RAI14: variants seen among roughly 807,000 people sequenced by gnomAD.
The protein encoded by RAI14 is ankycorbin.
RAI14 carries 45 observed loss-of-function variants against 115.4 expected under a neutral mutation model. The observed-to-expected ratio is 0.39, with a 90% CI of 0.31 to 0.50. The LOEUF (loss-of-function observed/expected upper bound fraction) is 0.50. Ranked by LOEUF, RAI14 falls within the 20% of genes least tolerant of loss-of-function variation. RAI14 has a pLI of 0.85. For synonymous variants in RAI14, 371 were observed against 415.4 expected (o/e 0.89, Z 1.30); for missense variants, 939 against 1,131.2 (o/e 0.83, Z 2.44).
At chr5:34,781,590 A>G (rs1375575344) in intron 3 of RAI14, among the ~76,000 whole-genome samples, 1 of 152,228 alleles carries the variant, frequency 6.6e-6, no homozygotes, top group Admixed American at 6.5e-5. Context: ...TGCAGAAGAT[A>G]ATAAGGCTTG....
intron 1 of RAI14, among the ~76,000 whole-genome samples, chr5:34,663,611 C>T (rs365737): frequency 0.49 from 74,180 of 152,066 alleles, 18,820 homozygotes; most frequent in South Asian, 0.68. Context: ...CTGAAGGAAG[C>T]ATGCCTTGTT....
chr5:34,670,689 A>T (rs958901224), intron 1 of RAI14, among the ~76,000 whole-genome samples: 8 of 152,084 alleles, frequency 5.3e-5, no homozygotes, highest in African/African-American at 1.9e-4. Flanking sequence ...TCAATTTGCA[A>T]CTGTTTCTCT....
chr5:34,745,488 C>A (rs1746042323), intron 2 of RAI14, among the ~76,000 whole-genome samples: 1 of 152,202 alleles, frequency 6.6e-6, no homozygotes, highest in Non-Finnish European at 1.5e-5. Flanking sequence ...CAACACCTTG[C>A]CTCTGATCTA....
chr5:34,768,587 C>T (rs564786558), intron 3 of RAI14, among the ~76,000 whole-genome samples: 1 of 152,264 alleles, frequency 6.6e-6, no homozygotes, highest in African/African-American at 2.4e-5. Context: ...GTGAATACAA[C>T]ATAGAAATCA....
At chr5:34,658,266 C>T (rs1420065925) in intron 1 of RAI14, among the ~76,000 whole-genome samples, 1 of 152,134 alleles carries the variant, frequency 6.6e-6, no homozygotes, top group South Asian at 2.1e-4. Flanking sequence ...GATGTAGTGT[C>T]CCGCCCACCA....
At chr5:34,777,774 G>A (rs336477) in intron 3 of RAI14, among the ~76,000 whole-genome samples, 92,347 of 151,858 alleles carry the variant, frequency 0.61, 29,982 homozygotes, top group African/African-American at 0.85. Context: ...GCGAGACTCC[G>A]TCTCAAAAAA....
chr5:34,756,742 C>G (rs558781474), intron 2 of RAI14, among the ~76,000 whole-genome samples: 69 of 152,270 alleles, frequency 4.5e-4, no homozygotes, highest in African/African-American at 1.6e-3. Flanking sequence ...ATATAGAAAT[C>G]GTCTCTTTCC....
chr5:34,761,098 A>G (rs549799730), intron 3 of RAI14, among the ~76,000 whole-genome samples: 2 of 152,240 alleles, frequency 1.3e-5, no homozygotes, highest in South Asian at 4.1e-4. Context: ...TGGTAGACAT[A>G]TACATAGCAG....
At chr5:34,783,269 A>G (rs1580245538) in intron 3 of RAI14, among the ~76,000 whole-genome samples, 1 of 152,176 alleles carries the variant, frequency 6.6e-6, no homozygotes, top group African/African-American at 2.4e-5. Flanking sequence ...TCTGTCCTCA[A>G]GTAGGTGGCT....
chr5:34,800,878 G>T (rs148015347), intron 4 of RAI14, among the ~76,000 whole-genome samples: 1 of 152,308 alleles, frequency 6.6e-6, no homozygotes, highest in African/African-American at 2.4e-5. Flanking sequence ...TTAATGCATT[G>T]CGTACACGAC....
At chr5:34,730,301 A>G (rs1339106732) in intron 2 of RAI14, among the ~76,000 whole-genome samples, 3 of 152,210 alleles carry the variant, frequency 2.0e-5, no homozygotes, top group Non-Finnish European at 4.4e-5. Context: ...ACTTTCCTAA[A>G]AATAACCTAC....
At chr5:34,757,637 G>C in intron 3 of RAI14, 39 bp downstream of exon 3, 1 of 1,562,222 alleles carries the variant, frequency 6.4e-7, no homozygotes, top group Non-Finnish European at 8.7e-7. Flanking sequence ...GCTGGTTCTG[G>C]GTTTTTGGGG....
At chr5:34,669,552 G>A (rs919430707) in intron 1 of RAI14, among the ~76,000 whole-genome samples, 7 of 152,192 alleles carry the variant, frequency 4.6e-5, no homozygotes, top group South Asian at 2.1e-4. Flanking sequence ...CTACAGGCTC[G>A]GGTGGCAGGC....
At chr5:34,745,030 A>G (rs1043941968) in intron 2 of RAI14, among the ~76,000 whole-genome samples, 2 of 152,148 alleles carry the variant, frequency 1.3e-5, no homozygotes, top group African/African-American at 4.8e-5. Context: ...TTACAAGGAC[A>G]CCAATCATTG....
At chr5:34,685,128 TC>T (rs1312531822) in intron 1 of RAI14, 2 of 151,930 alleles carry the variant, frequency 1.3e-5, no homozygotes, top group Non-Finnish European at 2.9e-5. Context: ...ATGCCTGTAA[TC>T]CCAGCTTTTA....
chr5:34,663,439 C>G (rs934533474), intron 1 of RAI14, among the ~76,000 whole-genome samples: 1 of 152,108 alleles, frequency 6.6e-6, no homozygotes, highest in Non-Finnish European at 1.5e-5. Flanking sequence ...TCACCTCAAC[C>G]CATGAGATCG....
intron 1 of RAI14, among the ~76,000 whole-genome samples, chr5:34,663,477 A>T (rs1347305120): frequency 6.6e-6 from 1 of 152,170 alleles, no homozygotes; most frequent in Non-Finnish European, 1.5e-5. Flanking sequence ...AAATCTTACC[A>T]CTACACTCCA....
intron 1 of RAI14, among the ~76,000 whole-genome samples, chr5:34,664,592 G>A (rs760648710): frequency 6.6e-6 from 1 of 151,838 alleles, no homozygotes; most frequent in African/African-American, 2.4e-5. Flanking sequence ...TTATGATCTA[G>A]ATAAGTTCAA....
At chr5:34,785,120 A>G (rs1752140221) in intron 3 of RAI14, among the ~76,000 whole-genome samples, 1 of 152,132 alleles carries the variant, frequency 6.6e-6, no homozygotes. Flanking sequence ...TCCTTTTCCT[A>G]ATTGTTCATT....
Sources: allele counts gnomAD v4.1 joint callset (sites outside exome capture counted in the v4.1 genomes callset), GRCh38; gene constraint gnomAD v4.1.1; transcripts MANE v1.5; gene names NCBI Gene and HGNC (gene_info 2026-07-23, HGNC 2026-07-21).